Variants in ECE1 observed in about 807,000 individuals in gnomAD.
The protein encoded by ECE1 is endothelin-converting enzyme 1.
Under a neutral mutation model 98.6 loss-of-function variants are expected in ECE1, and 35 were observed. The observed-to-expected ratio is 0.35, with a 90% CI of 0.27 to 0.47. The LOEUF is 0.47. Ranked by LOEUF, ECE1 falls within the 20% of genes least tolerant of loss-of-function variation. The probability of loss-of-function intolerance (pLI) is 1.00; values close to 1 mark genes in which losing one functional copy is unlikely to be tolerated. For synonymous variants in ECE1, 394 were observed against 407.1 expected (o/e 0.97, Z 0.39); for missense variants, 814 against 1,025.3 (o/e 0.79, Z 2.81).
upstream of ECE1, among the ~76,000 whole-genome samples, chr1:21,294,653 C>G (rs1028448970): frequency 6.6e-6 from 1 of 152,218 alleles, no homozygotes; most frequent in African/African-American, 2.4e-5. This position sits in a 1 kb window ranked among gnomAD's most constrained non-coding sequence, Gnocchi z 4.2. Flanking sequence ...AGGTTTCTGG[C>G]GACAAAAGCC....
At chr1:21,304,660 A>G (rs1473409139) in intron 1 of ECE1, among the ~76,000 whole-genome samples, 2 of 152,224 alleles carry the variant, frequency 1.3e-5, no homozygotes, top group African/African-American at 4.8e-5. Flanking sequence ...GATGAGACTT[A>G]CTGGAAGGGC....
At chr1:21,323,322 T>C (rs1245822593) in intron 1 of ECE1, among the ~76,000 whole-genome samples, 1 of 152,122 alleles carries the variant, frequency 6.6e-6, no homozygotes, top group Non-Finnish European at 1.5e-5. Context: ...AAATACACAA[T>C]AGCCCTGACT....
chr1:21,331,882 G>A lies in ECE1; in HGVS notation c.3+13494C>T, dbSNP rs77402180. ...AACACCGCGGGCAGGAAAGAATGGA[G>A]GATTACTGAATAAAGCCCTAATGCA... On this transcript the variant is annotated intron_variant, in intron 1 of 18. Transcript: ENST00000415912. Among the ~76,000 whole-genome samples the A allele has an allele frequency of 2.2e-3, 332 of 152,268 alleles. 2 individuals are homozygous for A. Among genetic ancestry groups the A allele is most frequent in the Non-Finnish European group, 4.0e-3 (270 of 68,026 alleles).
At chr1:21,249,623 A>G (rs1340850118) in intron 8 of ECE1, among the ~76,000 whole-genome samples, 1 of 152,186 alleles carries the variant, frequency 6.6e-6, no homozygotes. Flanking sequence ...TCGAGGCTGC[A>G]GTGAGCTGAA....
intron 4 of ECE1, among the ~76,000 whole-genome samples, chr1:21,265,712 G>C (rs767987193): frequency 2.6e-5 from 4 of 152,016 alleles, no homozygotes. Context: ...CCCTTTCGGG[G>C]CTGTCACTCT....
Position 21,235,863 on chromosome 1 carries a change from T to C in ECE1, c.1553A>G (p.Lys518Arg), listed in dbSNP as rs2098187320. The C allele has an allele frequency of 6.2e-7, 1 of 1,614,204 alleles. No homozygotes were observed. Residue 518 changes from lysine (K) to arginine (R), a missense_variant, in exon 13 of 19, where the codon AAA (lysine) becomes AGA (arginine). By Grantham distance (26) the Lys-to-Arg change is conservative. Transcript: ENST00000374893. The surrounding 1 kb of genome is among the most constrained non-coding windows in gnomAD (Gnocchi z 4.2). ...NFIMDPKELD[K>R]VFNDYTAVPD... ...GCAGCTACTCACGTCATTAAACACT[T>C]TGTCCAGCTCCTTGGGATCCATGAT... is the stretch of plus-strand genomic sequence containing the variant.
At chr1:21,274,497 A>T (rs940470198) in intron 3 of ECE1, among the ~76,000 whole-genome samples, 1 of 152,174 alleles carries the variant, frequency 6.6e-6, no homozygotes, top group Non-Finnish European at 1.5e-5. Context: ...GGTAGGACCA[A>T]TTTCACAGAT....
chr1:21,243,479 A>G (rs1196579996), intron 10 of ECE1, among the ~76,000 whole-genome samples: 1 of 151,260 alleles, frequency 6.6e-6, no homozygotes. Context: ...TCGGCCTCTC[A>G]AAGTGTTAGC....
At position 21,307,825 on chromosome 1, in the gene ECE1, C is replaced by A. The variant is rs1638631761; in HGVS notation, c.4-17669G>T. Among the ~76,000 whole-genome samples the A allele has an allele frequency of 6.6e-6, 1 of 152,076 alleles. No individual in the cohort carries two copies. Among genetic ancestry groups the A allele is most frequent in the African/African-American group, 2.4e-5 (1 of 41,408 alleles). Reference sequence around the variant, plus strand: ...AAGGTGGCCAGGCACAGGAAAGAGGCCCTGCCCCCTTGAGAGGGAGGCCCT... The same window carrying A: ...AAGGTGGCCAGGCACAGGAAAGAGGACCTGCCCCCTTGAGAGGGAGGCCCT... On this transcript the variant is annotated intron_variant, in intron 1 of 18. Coordinates refer to the ECE1 transcript ENST00000415912. The surrounding 1 kb of genome is among the most constrained non-coding windows in gnomAD (Gnocchi z 4.2).
At chr1:21,279,718 C>T in intron 2 of ECE1, 2 of 1,325,796 alleles carry the variant, frequency 1.5e-6, no homozygotes, top group Non-Finnish European at 1.9e-6. Flanking sequence ...AGAGCCCCCA[C>T]ATCAGCGGGG....
chr1:21,243,992 C>T (rs530322296), intron 10 of ECE1, among the ~76,000 whole-genome samples: 246 of 152,252 alleles, frequency 1.6e-3, no homozygotes, highest in Middle Eastern at 6.8e-3. Context: ...AGGATGCATT[C>T]CAGGGCTCGA....
intron 15 of ECE1, 77 bp from the exon 16 acceptor site, chr1:21,227,303 C>T: frequency 1.4e-6 from 2 of 1,414,782 alleles, no homozygotes; most frequent in Non-Finnish European, 2.0e-6. Context: ...ATGTGACCCT[C>T]ACTTCCTGGG....
intron 1 of ECE1, among the ~76,000 whole-genome samples, chr1:21,312,243 G>C (rs1316317160): frequency 6.8e-6 from 1 of 147,008 alleles, no homozygotes; most frequent in Non-Finnish European, 1.5e-5. Context: ...TTCAAGACCA[G>C]CCTGGAAAAC....
In ECE1 at chr1:21,279,201, C is replaced by T. The variant is rs749420169; in HGVS notation, c.270G>A (p.Gln90=). The T allele has an allele frequency of 6.2e-7, 1 of 1,614,064 alleles. No homozygotes were observed. Among genetic ancestry groups the T allele is most frequent in the East Asian group, 2.2e-5 (1 of 44,896 alleles). ...LVACLAALGI[Q]YQTRSPSVCL... is the part of the protein sequence containing the mutation. ...CACGAAGGCACCTACTTGTCTGGTA[C>T]TGGATGCCCAGTGCTGCCAAGCAGG... is the stretch of plus-strand genomic sequence containing the variant. Residue 90 remains glutamine (Q), a synonymous_variant, in exon 3 of 19, where the codon CAG becomes CAA. Coordinates refer to ENST00000374893, the MANE Select transcript of ECE1 (RefSeq NM_001397.3).
rs757763485 is a variant in ECE1, at chr1:21,307,946, G to A, written c.4-17790C>T. ...GAGGTGCCTGGCTCAGTTTTGCTGCGATCCCAATGGGTCACACGCCTTCTG... is the reference window on the plus strand; with the variant it reads ...GAGGTGCCTGGCTCAGTTTTGCTGCAATCCCAATGGGTCACACGCCTTCTG... On this transcript the variant is annotated intron_variant, in intron 1 of 18. Coordinates refer to the ECE1 transcript ENST00000415912. This position sits in a 1 kb window ranked among gnomAD's most constrained non-coding sequence, Gnocchi z 4.2. Among the ~76,000 whole-genome samples, 1 of 152,128 alleles carries A rather than the reference G, an allele frequency of 6.6e-6. No individual in the cohort carries two copies. The highest frequency in any genetic ancestry group is 1.5e-5 in the Non-Finnish European group (1 of 68,034).
intron 1 of ECE1, among the ~76,000 whole-genome samples, chr1:21,303,645 T>TTTG (rs912797480): frequency 1.3e-5 from 2 of 152,026 alleles, no homozygotes; most frequent in South Asian, 2.1e-4. Flanking sequence ...CACTAGGAAT[T>TTTG]TTGTTGTTGT....
At chr1:21,275,452 A>C (rs6671140) in intron 3 of ECE1, among the ~76,000 whole-genome samples, 2,308 of 152,200 alleles carry the variant, frequency 0.015, 65 homozygotes, top group African/African-American at 0.052. Context: ...AAAATTAGCC[A>C]GGTATGATGG....
At chr1:21,329,860 T>C (rs1395860892) in intron 1 of ECE1, among the ~76,000 whole-genome samples, 1 of 152,056 alleles carries the variant, frequency 6.6e-6, no homozygotes, top group Non-Finnish European at 1.5e-5. Context: ...AGGAATTGGA[T>C]GGGAAAATGG....
At chr1:21,226,039 G>A (rs2098173749) in intron 16 of ECE1, among the ~76,000 whole-genome samples, 1 of 152,140 alleles carries the variant, frequency 6.6e-6, no homozygotes, top group African/African-American at 2.4e-5. Context: ...AGTAACAGAT[G>A]CCTAGGAAGA....
Sources: allele counts gnomAD v4.1 joint callset (sites outside exome capture counted in the v4.1 genomes callset), GRCh38; gene constraint gnomAD v4.1.1; non-coding constraint Gnocchi (gnomAD v3.1); transcripts MANE v1.5; gene names NCBI Gene and HGNC (gene_info 2026-07-23, HGNC 2026-07-21).